SCFD2: variants seen among roughly 807,000 people sequenced by gnomAD.
The protein encoded by SCFD2 is sec1 family domain-containing protein 2.
Under a neutral mutation model 58.9 loss-of-function variants are expected in SCFD2, and 54 were observed. That is an observed-to-expected ratio of 0.92 (90% CI 0.74 to 1.15). The LOEUF (loss-of-function observed/expected upper bound fraction) is 1.15, where lower values mean the gene tolerates loss of function less well. SCFD2 is among the 50% of genes most tolerant of loss of function. The pLI is 0.00. For missense variants in SCFD2, 805 were observed against 836.6 expected, an observed-to-expected ratio of 0.96 and a Z score of 0.47; for synonymous variants, 321 against 335.9, an observed-to-expected ratio of 0.96 and a Z score of 0.49.
At chr4:52,965,014 A>AC (rs1720930372) in intron 5 of SCFD2, among the ~76,000 whole-genome samples, 2 of 144,950 alleles carry the variant, frequency 1.4e-5, no homozygotes, top group East Asian at 4.2e-4. Flanking sequence ...ACAAAACACA[A>AC]ACACACACAC....
chr4:53,302,393 A>G (rs1226029028), intron 3 of SCFD2, among the ~76,000 whole-genome samples: 1 of 152,036 alleles, frequency 6.6e-6, no homozygotes, highest in Non-Finnish European at 1.5e-5. Context: ...CCAACTTACA[A>G]GGATGTGAAG....
intron 5 of SCFD2, among the ~76,000 whole-genome samples, chr4:53,095,137 C>G (rs1287570430): frequency 2.0e-5 from 3 of 152,102 alleles, no homozygotes; most frequent in African/African-American, 7.2e-5. Flanking sequence ...TACTCAATCC[C>G]TTAGTGATAT....
chr4:53,298,895 G>A (rs1306660646), intron 3 of SCFD2, among the ~76,000 whole-genome samples: 4 of 152,204 alleles, frequency 2.6e-5, no homozygotes, highest in Non-Finnish European at 1.5e-5. Flanking sequence ...CTGACTGTTA[G>A]AAGGAAAACT....
intron 4 of SCFD2, among the ~76,000 whole-genome samples, chr4:53,151,293 G>T (rs988343321): frequency 6.6e-6 from 1 of 152,164 alleles, no homozygotes; most frequent in Non-Finnish European, 1.5e-5. Flanking sequence ...TCCTTACAAA[G>T]TACTGAGATT....
intron 5 of SCFD2, among the ~76,000 whole-genome samples, chr4:53,004,318 T>C (rs1479211611): frequency 6.6e-6 from 1 of 152,142 alleles, no homozygotes; most frequent in Non-Finnish European, 1.5e-5. Context: ...ACGGAGGACA[T>C]GGTAGGTCAA....
At chr4:53,158,165 T>C (rs572665853) in intron 4 of SCFD2, among the ~76,000 whole-genome samples, 1 of 152,180 alleles carries the variant, frequency 6.6e-6, no homozygotes, top group Non-Finnish European at 1.5e-5. Flanking sequence ...ACATTTTGAA[T>C]GTCATGTGGA....
chr4:53,175,468 T>C (rs1397133054), intron 4 of SCFD2, among the ~76,000 whole-genome samples: 1 of 152,230 alleles, frequency 6.6e-6, no homozygotes, highest in African/African-American at 2.4e-5. Flanking sequence ...ATATAACTAC[T>C]TCTGAAATTT....
chr4:52,928,430 C>T (rs1719911951), intron 5 of SCFD2, among the ~76,000 whole-genome samples: 1 of 152,156 alleles, frequency 6.6e-6, no homozygotes, highest in Admixed American at 6.5e-5. Context: ...CACAGCAGGA[C>T]ACCTCAGCAG....
chr4:53,354,123 C>G (rs1000785476), intron 1 of SCFD2, among the ~76,000 whole-genome samples: 1 of 152,254 alleles, frequency 6.6e-6, no homozygotes, highest in Admixed American at 6.5e-5. Context: ...CAGGGTGCTG[C>G]GGAGCAGGGG....
chr4:53,047,705 G>C (rs935960813), intron 5 of SCFD2, among the ~76,000 whole-genome samples: 1 of 152,106 alleles, frequency 6.6e-6, no homozygotes, highest in African/African-American at 2.4e-5. Context: ...GTTCCATTTA[G>C]GTTGTTTCTA....
At chr4:53,095,019 G>A (rs768558793) in intron 5 of SCFD2, among the ~76,000 whole-genome samples, 27 of 152,072 alleles carry the variant, frequency 1.8e-4, no homozygotes, top group Non-Finnish European at 3.1e-4. Context: ...TATTCTATTA[G>A]TTTTCCTCCT....
At chr4:53,289,968 C>A (rs1045111441) in intron 3 of SCFD2, among the ~76,000 whole-genome samples, 6 of 152,056 alleles carry the variant, frequency 3.9e-5, no homozygotes, top group Non-Finnish European at 2.9e-5. Flanking sequence ...CATTGGAGCA[C>A]CTAAATGTAT....
chr4:53,040,093 G>T (rs1722858011), intron 5 of SCFD2, among the ~76,000 whole-genome samples: 1 of 152,150 alleles, frequency 6.6e-6, no homozygotes, highest in South Asian at 2.1e-4. Context: ...TAGTACTATG[G>T]CATAGCACAA....
At chr4:52,962,846 G>C (rs1389419571) in intron 5 of SCFD2, among the ~76,000 whole-genome samples, 1 of 152,028 alleles carries the variant, frequency 6.6e-6, no homozygotes, top group African/African-American at 2.4e-5. Context: ...TTTTTCCCAA[G>C]ACAGCTTATC....
At chr4:53,126,792 G>T (rs1217068181) in intron 5 of SCFD2, among the ~76,000 whole-genome samples, 1 of 152,056 alleles carries the variant, frequency 6.6e-6, no homozygotes, top group Non-Finnish European at 1.5e-5. Flanking sequence ...CCACCGTCTC[G>T]GCAGAGAGCT....
At chr4:52,933,119 T>G (rs896480020) in intron 5 of SCFD2, among the ~76,000 whole-genome samples, 1 of 152,124 alleles carries the variant, frequency 6.6e-6, no homozygotes, top group African/African-American at 2.4e-5. Flanking sequence ...GTCTCCCTCT[T>G]GAAACTCACT....
chr4:53,228,846 T>A (rs993893491), intron 4 of SCFD2, among the ~76,000 whole-genome samples: 2 of 152,344 alleles, frequency 1.3e-5, no homozygotes, highest in African/African-American at 4.8e-5. Flanking sequence ...TGTTTGCAGA[T>A]GACATGATTG....
intron 3 of SCFD2, among the ~76,000 whole-genome samples, chr4:53,277,168 T>G (rs952346731): frequency 2.0e-5 from 3 of 152,288 alleles, no homozygotes; most frequent in African/African-American, 4.8e-5. Flanking sequence ...AGCCAACAAA[T>G]AAAGAAAACA....
At chr4:53,259,229 T>C (rs1167430011) in intron 4 of SCFD2, among the ~76,000 whole-genome samples, 5 of 152,238 alleles carry the variant, frequency 3.3e-5, no homozygotes, top group Non-Finnish European at 5.9e-5. Context: ...TTTAATTATG[T>C]CCCATCTATT....
Sources: gnomAD v4.1 joint callset for allele counts (sites outside exome capture counted in the v4.1 genomes callset) on GRCh38, gnomAD v4.1.1 for gene constraint, MANE v1.5 for transcripts, NCBI Gene and HGNC (gene_info 2026-07-23, HGNC 2026-07-21) for gene names.